The following SORD variants were observed in gnomAD, a reference collection of about 807,000 sequenced individuals.
SORD encodes the protein (R,R)-butanediol dehydrogenase.
Under a neutral mutation model 35.6 loss-of-function variants are expected in SORD, and 18 were observed. The ratio of observed to expected loss-of-function variants is 0.51; its 90% CI spans 0.35 to 0.75. The LOEUF (loss-of-function observed/expected upper bound fraction) is 0.75, where lower values mean the gene tolerates loss of function less well. Among genes scored for constraint, SORD ranks in the 30% least tolerant of loss-of-function variants. The pLI is 0.01. For synonymous variants in SORD, 106 were observed against 152.9 expected, an observed-to-expected ratio of 0.69 and a Z score of 2.26; for missense variants, 250 against 390.2, an observed-to-expected ratio of 0.64 and a Z score of 3.03.
chr15:45,067,195 C>T (rs1188046280), intron 5 of SORD, among the ~76,000 whole-genome samples: 1 of 152,120 alleles, frequency 6.6e-6, no homozygotes, highest in African/African-American at 2.4e-5. Flanking sequence ...AACCCCGTCT[C>T]TACTAAAAAT....
intron 3 of SORD, among the ~76,000 whole-genome samples, chr15:45,049,403 G>A (rs1025564648): frequency 6.6e-6 from 1 of 152,118 alleles, no homozygotes; most frequent in Non-Finnish European, 1.5e-5. Flanking sequence ...GTGTGTCTAT[G>A]TGTGGTTCCA....
intron 1 of SORD, among the ~76,000 whole-genome samples, chr15:45,036,033 A>G (rs1350863977): frequency 4.0e-5 from 6 of 151,162 alleles, no homozygotes; most frequent in Admixed American, 3.3e-4. Flanking sequence ...AGGAACAAAC[A>G]ACTGCAGAAA....
At chr15:45,055,249 A>T (rs1251269828) in intron 3 of SORD, among the ~76,000 whole-genome samples, 1 of 152,162 alleles carries the variant, frequency 6.6e-6, no homozygotes. Flanking sequence ...TGCTAGCAAG[A>T]CTAATAAGGA....
chr15:45,053,279 CTG>C (rs1183509689), intron 3 of SORD, among the ~76,000 whole-genome samples: 1 of 152,196 alleles, frequency 6.6e-6, no homozygotes, highest in Admixed American at 6.5e-5. Flanking sequence ...CTTAACTTCT[CTG>C]TGTTCTCTTA....
chr15:45,048,022 T>C (rs1466340976), intron 3 of SORD, among the ~76,000 whole-genome samples: 1 of 152,232 alleles, frequency 6.6e-6, no homozygotes, highest in Non-Finnish European at 1.5e-5. Flanking sequence ...GCCATTGCTG[T>C]ATTGACAGTG....
Position 45,061,841 on chromosome 15 carries a change from C to T in SORD, c.425+615C>T, listed in dbSNP as rs568605484. On this transcript the variant is annotated intron_variant, in intron 4 of 8. Transcript: ENST00000267814. Reference sequence around the variant, plus strand: ...CCGAGATGGCGCCACTGCACTCCAGCCTGGGCAACAGACCGAGACTCCGTC... The same window carrying T: ...CCGAGATGGCGCCACTGCACTCCAGTCTGGGCAACAGACCGAGACTCCGTC... Among the ~76,000 whole-genome samples the T allele has an allele frequency of 3.9e-5, 6 of 152,112 alleles. No homozygotes were observed. The South Asian group carries it at 8.3e-4, about 21-fold the overall frequency.
chr15:45,047,203 C>T (rs928844634), intron 3 of SORD: 3 of 152,070 alleles, frequency 2.0e-5, no homozygotes, highest in African/African-American at 7.3e-5. Flanking sequence ...GATGCACTAC[C>T]TTCAGACCAG....
intron 1 of SORD, among the ~76,000 whole-genome samples, chr15:45,026,431 G>A (rs545657392): frequency 6.6e-6 from 1 of 152,176 alleles, no homozygotes; most frequent in Non-Finnish European, 1.5e-5. Context: ...AAAGATAAGA[G>A]GAAGTGGGGA....
chr15:45,035,342 C>G (rs1426219679), intron 1 of SORD, among the ~76,000 whole-genome samples: 1 of 152,146 alleles, frequency 6.6e-6, no homozygotes, highest in Non-Finnish European at 1.5e-5. Flanking sequence ...TAGCTCAGAG[C>G]TTGTAAATAT....
chr15:45,068,113 G>A (rs1177512189), intron 5 of SORD, 68 bp from the exon 6 acceptor site: 10 of 1,206,494 alleles, frequency 8.3e-6, no homozygotes, highest in Non-Finnish European at 1.1e-5. Flanking sequence ...TCCTATCCAT[G>A]GCCTGGACAA....
intron 4 of SORD, among the ~76,000 whole-genome samples, chr15:45,063,218 A>T (rs1893350790): frequency 6.6e-6 from 1 of 151,268 alleles, no homozygotes; most frequent in African/African-American, 2.4e-5. Context: ...ATGTCTTTTT[A>T]GGATTCCCAT....
At chr15:45,029,377 G>GA (rs1892731665) in intron 1 of SORD, among the ~76,000 whole-genome samples, 1 of 152,246 alleles carries the variant, frequency 6.6e-6, no homozygotes, top group African/African-American at 2.4e-5. Context: ...CAGACCTGTG[G>GA]AGTACTGGGC....
intron 3 of SORD, among the ~76,000 whole-genome samples, chr15:45,056,373 A>G (rs1171399458): frequency 1.3e-5 from 2 of 152,068 alleles, no homozygotes; most frequent in Non-Finnish European, 2.9e-5. Context: ...TCATGAGTGA[A>G]CTCCCATTCA....
intron 3 of SORD, among the ~76,000 whole-genome samples, chr15:45,052,259 T>G (rs1229227415): frequency 6.6e-6 from 1 of 152,204 alleles, no homozygotes; most frequent in African/African-American, 2.4e-5. Flanking sequence ...TGTAGCTGGA[T>G]GCAGAACAGG....
chr15:45,031,326 C>CAAA lies in SORD; in HGVS notation c.66+7988_66+7990dup, dbSNP rs201515287. On this transcript the variant is annotated intron_variant, in intron 1 of 8. Coordinates refer to ENST00000267814, the MANE Select transcript of SORD (RefSeq NM_003104.6). ...CCATCTCTTAAAACAACAACAACGA[C>CAAA]AAAAAAAAAAAAACAACAGGGAATG... Among the ~76,000 whole-genome samples the CAAA allele has an allele frequency of 5.9e-3, 562 of 94,912 alleles. 2 individuals carry two copies. The highest frequency in any genetic ancestry group is 0.026 in the African/African-American group (538 of 20,388). The allele number at this position is 94,912 out of a possible 152,430, so 62.3% of individuals were successfully genotyped here.
chr15:45,057,087 A>C (rs1277448707), intron 3 of SORD, among the ~76,000 whole-genome samples: 1 of 152,214 alleles, frequency 6.6e-6, no homozygotes, highest in Non-Finnish European at 1.5e-5. Flanking sequence ...ATTATTTGTA[A>C]AGTTACCTGC....
chr15:45,038,440 G>A (rs1171996472), intron 1 of SORD, among the ~76,000 whole-genome samples: 1 of 152,182 alleles, frequency 6.6e-6, no homozygotes, highest in African/African-American at 2.4e-5. Flanking sequence ...ATTGAGCAAT[G>A]TCAGCTAGGC....
At chr15:45,064,293 A>G (rs1049841225) in intron 4 of SORD, among the ~76,000 whole-genome samples, 4 of 152,188 alleles carry the variant, frequency 2.6e-5, no homozygotes, top group African/African-American at 7.2e-5. Context: ...TTCATTCCCT[A>G]GCTTCATAAC....
intron 3 of SORD, among the ~76,000 whole-genome samples, chr15:45,045,754 A>G (rs1893038111): frequency 6.6e-6 from 1 of 152,164 alleles, no homozygotes; most frequent in Admixed American, 6.5e-5. Flanking sequence ...CTGTAATCTC[A>G]GCACTTTGGG....
Sources: gnomAD v4.1 joint callset for allele counts (sites outside exome capture counted in the v4.1 genomes callset) on GRCh38, gnomAD v4.1.1 for gene constraint, MANE v1.5 for transcripts, NCBI Gene and HGNC (gene_info 2026-07-23, HGNC 2026-07-21) for gene names.